RMDN3: variants seen among roughly 807,000 people sequenced by gnomAD.
RMDN3 encodes the protein regulator of microtubule dynamics protein 3.
Under a neutral mutation model 61.8 loss-of-function variants are expected in RMDN3, and 41 were observed. That is an observed-to-expected ratio of 0.66 (90% CI 0.52 to 0.86). The LOEUF is 0.86. RMDN3 is among the 40% of genes least tolerant of loss of function. RMDN3 has a pLI of 0.00. For synonymous variants in RMDN3, 247 were observed against 232.0 expected, an observed-to-expected ratio of 1.06 and a Z score of -0.59; for missense variants, 557 against 585.3, an observed-to-expected ratio of 0.95 and a Z score of 0.50.
At chr15:40,738,937 A>C (rs1897173572) in intron 7 of RMDN3, 1 of 224,454 alleles carries the variant, frequency 4.5e-6, no homozygotes, top group Non-Finnish European at 8.9e-6. Context: ...TAAAAGTATG[A>C]GACCTGACTA....
intron 3 of RMDN3, 24 bp downstream of exon 3, chr15:40,751,962 A>C (rs1897842185): frequency 1.3e-6 from 2 of 1,592,438 alleles, no homozygotes; most frequent in Non-Finnish European, 1.7e-6. Context: ...GGGATAAAGC[A>C]GGAGAAGAAG....
intron 4 of RMDN3, among the ~76,000 whole-genome samples, chr15:40,746,958 G>A (rs959232457): frequency 1.3e-5 from 2 of 151,836 alleles, no homozygotes; most frequent in African/African-American, 2.4e-5. Context: ...GGGTACTGAT[G>A]AGGGAGACCA....
intron 3 of RMDN3, chr15:40,751,773 G>T: frequency 1.2e-6 from 1 of 838,190 alleles, no homozygotes; most frequent in Non-Finnish European, 1.9e-6. Context: ...CAAACAGAGC[G>T]CTTCAGCTGC....
intron 2 of RMDN3, 136 bp from the exon 3 acceptor site, chr15:40,752,314 G>A (rs775683773): frequency 9.5e-6 from 8 of 842,896 alleles, no homozygotes; most frequent in Non-Finnish European, 1.4e-5. Flanking sequence ...CACGTTCACA[G>A]CCAGGTCATG....
chr15:40,754,558 A>G, intron 2 of RMDN3, 39 bp downstream of exon 2: 1 of 1,580,936 alleles, frequency 6.3e-7, no homozygotes, highest in Non-Finnish European at 8.6e-7. Flanking sequence ...CAGGCCCATT[A>G]GTCTGCAGTG....
chr15:40,750,129 A>G, intron 4 of RMDN3, among the ~76,000 whole-genome samples: 1 of 150,890 alleles, frequency 6.6e-6, no homozygotes, highest in Non-Finnish European at 1.5e-5. Flanking sequence ...GTGCAGTGGC[A>G]CAATTATGGC....
Position 40,754,777 on chromosome 15 carries a change from T to G in RMDN3, c.7A>C (p.Arg3=). The change falls in exon 2 of 13, where the codon AGA becomes CGA. Residue 3 remains arginine (R), a synonymous_variant. Coordinates refer to ENST00000338376, the MANE Select transcript of RMDN3 (RefSeq NM_018145.3). MS[R]LGALGGARAG... is the part of the protein sequence containing the mutation. ...CGGGCACCACCCAGGGCTCCCAGTC[T>G]AGACATGCTGCACCTGCGGCCAGCA... The G allele has an allele frequency of 6.4e-7, 1 of 1,561,376 alleles. No individual in the cohort carries two copies. The highest frequency in any genetic ancestry group is 8.7e-7 in the Non-Finnish European group (1 of 1,152,446).
intron 9 of RMDN3, 96 bp from the exon 10 acceptor site, chr15:40,737,822 T>C: frequency 1.4e-6 from 2 of 1,474,332 alleles, no homozygotes; most frequent in Non-Finnish European, 1.9e-6. Context: ...CAAACGGGGC[T>C]GGGTCGAACC....
intron 4 of RMDN3, among the ~76,000 whole-genome samples, chr15:40,746,275 G>A (rs1897547441): frequency 6.6e-6 from 1 of 152,162 alleles, no homozygotes; most frequent in Non-Finnish European, 1.5e-5. Context: ...CAGCACTTTG[G>A]GAGGCCGAGG....
At position 40,736,558 on chromosome 15, in the gene RMDN3, C is replaced by T. The variant is rs1431691568; in HGVS notation, c.1396G>A (p.Val466Ile). 1.2e-6 allele frequency: 2 copies of T among 1,613,948 alleles called. No individual in the cohort carries two copies. The highest frequency in any genetic ancestry group is 1.3e-5 in the African/African-American group (1 of 74,982). The change falls in exon 13 of 13, where the codon GTC (valine) becomes ATC (isoleucine). Residue 466 changes from valine (V) to isoleucine (I), a missense_variant. Transcript: ENST00000338376. ...AIQKDLEELEVILRD is the reference protein window; with the variant it reads ...AIQKDLEELEIILRD ...AAACGTGGTTAGTCTCGTAAAATGA[C>T]TTCCAGTTCTTCCAGGTCCTTCTGG...
chr15:40,752,308 T>C (rs2141926845), intron 2 of RMDN3, 130 bp from the exon 3 acceptor site: 2 of 881,628 alleles, frequency 2.3e-6, no homozygotes, highest in East Asian at 5.3e-5. Flanking sequence ...ATAGCACACG[T>C]TCACAGCCAG....
rs1237376822 is a variant in RMDN3, at chr15:40,745,377, C to A, written c.525-118G>T. ...TGGCATTGTCCAAAGCACCAAATCA[C>A]AATCATTCATACCTCTTAAGGGCAG... On this transcript the variant is annotated intron_variant, in intron 4 of 12. Coordinates refer to ENST00000338376, the MANE Select transcript of RMDN3 (RefSeq NM_018145.3). 51 of 904,312 alleles carry A rather than the reference C, an allele frequency of 5.6e-5. No homozygotes were observed. The South Asian group carries it at 7.3e-4, about 13-fold the overall frequency. 56.0% of individuals were successfully genotyped at this position (904,312 alleles called of 1,614,324 possible). A position where few individuals can be genotyped will look rare whatever the true frequency, so the allele number is the denominator to read the frequency against.
intron 4 of RMDN3, among the ~76,000 whole-genome samples, chr15:40,748,159 G>A (rs1897655087): frequency 6.6e-6 from 1 of 152,188 alleles, no homozygotes; most frequent in Non-Finnish European, 1.5e-5. Flanking sequence ...TTTGGAAGAA[G>A]GAAGGAATAC....
Position 40,744,982 on chromosome 15 carries a change from G to C in RMDN3, c.802C>G (p.Leu268Val), listed in dbSNP as rs1479265630. The C allele has an allele frequency of 6.2e-7, 1 of 1,600,028 alleles. No homozygotes were observed. Among genetic ancestry groups the C allele is most frequent in the African/African-American group, 1.3e-5 (1 of 74,610 alleles). ...ACAGGCAGCTGGAGCCTCACCACCA[G>C]CTTGTTGTTGAGCAGCAGCTGGAAG... is the stretch of plus-strand genomic sequence containing the variant. ...EGFQLLLNNK[L>V]VYGSRQDFLW... The change falls in exon 5 of 13, where the codon CTG becomes GTG. Residue 268 changes from leucine (L) to valine (V), a missense_variant. Coordinates refer to ENST00000338376, the MANE Select transcript of RMDN3 (RefSeq NM_018145.3).
chr15:40,738,356 T>C lies in RMDN3; in HGVS notation c.1047+145A>G, dbSNP rs761029032. ...AAGATCACACCACTGCACTCCAGCT[T>C]GGGCGATAGAGTGAGACTCTGTCTC... On this transcript the variant is annotated intron_variant, in intron 8 of 12. Coordinates refer to ENST00000338376, the MANE Select transcript of RMDN3 (RefSeq NM_018145.3). 4 of 758,690 alleles carry C rather than the reference T, an allele frequency of 5.3e-6. No homozygotes were observed. The African/African-American group carries it at 7.0e-5, about 13-fold the overall frequency. The allele number at this position is 758,690 out of a possible 1,614,324, so 47.0% of individuals were successfully genotyped here.
At chr15:40,742,929 C>A (rs139242080) in intron 6 of RMDN3, among the ~76,000 whole-genome samples, 2 of 152,176 alleles carry the variant, frequency 1.3e-5, no homozygotes, top group Non-Finnish European at 2.9e-5. Flanking sequence ...AAATAAGCAT[C>A]TTTTGTTAAA....
chr15:40,744,500 T>TGGGGG (rs61645498), intron 5 of RMDN3, among the ~76,000 whole-genome samples: 1 of 131,358 alleles, frequency 7.6e-6, no homozygotes, highest in African/African-American at 2.8e-5. Flanking sequence ...TTCTAACTTC[T>TGGGGG]GGGGGGGGGG....
intron 2 of RMDN3, among the ~76,000 whole-genome samples, chr15:40,753,599 A>G (rs1439220876): frequency 6.6e-6 from 1 of 152,232 alleles, no homozygotes; most frequent in Non-Finnish European, 1.5e-5. Context: ...AACCAGCCCT[A>G]GATCCTTTGC....
At chr15:40,744,753 A>G (rs906302260) in intron 5 of RMDN3, among the ~76,000 whole-genome samples, 1 of 152,116 alleles carries the variant, frequency 6.6e-6, no homozygotes, top group Non-Finnish European at 1.5e-5. Context: ...GAGGGGAGGC[A>G]GCTCTGGGGC....
Sources: gnomAD v4.1 joint callset for allele counts (sites outside exome capture counted in the v4.1 genomes callset) on GRCh38, gnomAD v4.1.1 for gene constraint, MANE v1.5 for transcripts, NCBI Gene and HGNC (gene_info 2026-07-23, HGNC 2026-07-21) for gene names.